The following SHROOM3 variants were observed in gnomAD, a reference collection of about 807,000 sequenced individuals.
SHROOM3 encodes protein Shroom3.
A neutral mutation model predicts 138.6 loss-of-function variants in SHROOM3; 47 were observed. The ratio of observed to expected loss-of-function variants is 0.34; its 90% CI spans 0.27 to 0.43. The LOEUF (loss-of-function observed/expected upper bound fraction) is 0.43. Among genes scored for constraint, SHROOM3 ranks in the 20% least tolerant of loss-of-function variants. SHROOM3 has a pLI of 1.00. For missense variants in SHROOM3, 2,491 were observed against 2,596.5 expected (o/e 0.96, Z 0.88); for synonymous variants, 1,062 against 1,063.3 (o/e 1.00, Z 0.02).
intron 5 of SHROOM3, among the ~76,000 whole-genome samples, chr4:76,747,908 CACTT>C (rs1006729273): frequency 1.5e-4 from 23 of 152,162 alleles, no homozygotes; most frequent in Non-Finnish European, 2.1e-4. Flanking sequence ...ATAGTTTCTC[CACTT>C]ACTTAACTGT....
intron 2 of SHROOM3, among the ~76,000 whole-genome samples, chr4:76,593,433 A>G (rs1380369893): frequency 6.6e-6 from 1 of 152,238 alleles, no homozygotes; most frequent in Non-Finnish European, 1.5e-5. Context: ...AAGAACACAG[A>G]TGATATAATT....
chr4:76,777,760 G>A (rs1578042181), intron 10 of SHROOM3, among the ~76,000 whole-genome samples: 1 of 152,164 alleles, frequency 6.6e-6, no homozygotes, highest in South Asian at 2.1e-4. Context: ...TGCCTAAAAT[G>A]TCTGAATGGT....
intron 1 of SHROOM3, among the ~76,000 whole-genome samples, chr4:76,501,628 C>G (rs937038147): frequency 6.6e-6 from 1 of 152,090 alleles, no homozygotes; most frequent in African/African-American, 2.4e-5. Flanking sequence ...TCTTTCAGCC[C>G]TAATCCACCA....
At position 76,529,347 on chromosome 4, in the gene SHROOM3, C is replaced by T. The variant is rs187708518; in HGVS notation, c.169-26262C>T. Among the ~76,000 whole-genome samples, 20 of 151,518 alleles carry T rather than the reference C, an allele frequency of 1.3e-4. 1 individual carries two copies. Among genetic ancestry groups the T allele is most frequent in the Middle Eastern group, 6.8e-3 (2 of 292 alleles). The stretch of plus-strand genomic sequence containing the variant: ...TTTTTTTTTTTCTGAGACAGAGTCT[C>T]GCTCTGTTGCCCAGGCTGGAGTGCA... On this transcript the variant is annotated intron_variant, in intron 1 of 10. Coordinates refer to ENST00000296043, the MANE Select transcript of SHROOM3 (RefSeq NM_020859.4).
chr4:76,587,929 C>T (rs1734186134), intron 2 of SHROOM3, among the ~76,000 whole-genome samples: 2 of 152,150 alleles, frequency 1.3e-5, no homozygotes, highest in East Asian at 1.9e-4. Flanking sequence ...AATCTACCTT[C>T]GGTTATGAAT....
chr4:76,591,897 A>G (rs1734280804), intron 2 of SHROOM3, among the ~76,000 whole-genome samples: 1 of 152,242 alleles, frequency 6.6e-6, no homozygotes, highest in African/African-American at 2.4e-5. Flanking sequence ...GAATAAAAGT[A>G]GACAAAAATT....
chr4:76,682,312 A>G (rs1357552256), intron 2 of SHROOM3, among the ~76,000 whole-genome samples: 1 of 152,164 alleles, frequency 6.6e-6, no homozygotes, highest in African/African-American at 2.4e-5. Flanking sequence ...ATTATCCCAT[A>G]TTAATTTTTA....
chr4:76,547,690 G>A (rs1360501861), intron 1 of SHROOM3, among the ~76,000 whole-genome samples: 1 of 152,144 alleles, frequency 6.6e-6, no homozygotes, highest in African/African-American at 2.4e-5. Context: ...TGCACTTTGG[G>A]AGGCTGAGGT....
At chr4:76,555,483 G>T (rs543023425) in intron 1 of SHROOM3, 126 bp from the exon 2 acceptor site, 11 of 1,379,580 alleles carry the variant, frequency 8.0e-6, no homozygotes, top group African/African-American at 4.3e-5. Context: ...GGCTGCAAGC[G>T]CTGGGGTGTG....
intron 1 of SHROOM3, among the ~76,000 whole-genome samples, chr4:76,512,885 C>T (rs1177559071): frequency 6.6e-6 from 1 of 152,172 alleles, no homozygotes; most frequent in East Asian, 1.9e-4. Context: ...TGCTGAAATA[C>T]AGGGAAGAAA....
intron 1 of SHROOM3, among the ~76,000 whole-genome samples, chr4:76,467,158 T>TC (rs1731266421): frequency 6.6e-6 from 1 of 150,696 alleles, no homozygotes; most frequent in Admixed American, 6.6e-5. Flanking sequence ...TCCTCCCACC[T>TC]CAGCCTCCCG....
intron 6 of SHROOM3, 98 bp downstream of exon 6, chr4:76,749,188 T>C (rs1735605289): frequency 8.7e-7 from 1 of 1,150,810 alleles, no homozygotes. Flanking sequence ...TGATGTCATA[T>C]AGTGTCACAT....
intron 2 of SHROOM3, among the ~76,000 whole-genome samples, chr4:76,647,971 A>C (rs1292599734): frequency 6.6e-6 from 1 of 152,168 alleles, no homozygotes; most frequent in Non-Finnish European, 1.5e-5. Context: ...TATCTTTCTT[A>C]CATATCAGTT....
At chr4:76,735,238 C>T (rs2110130773) in intron 4 of SHROOM3, among the ~76,000 whole-genome samples, 1 of 152,200 alleles carries the variant, frequency 6.6e-6, no homozygotes, top group Non-Finnish European at 1.5e-5. Flanking sequence ...AGTTTTCTTA[C>T]CCATCATTAA....
intron 2 of SHROOM3, among the ~76,000 whole-genome samples, chr4:76,630,441 T>C (rs1015131194): frequency 5.9e-5 from 9 of 152,218 alleles, no homozygotes; most frequent in Non-Finnish European, 1.2e-4. Flanking sequence ...AGCTCTCTTA[T>C]GCATTAACTT....
chr4:76,512,879 G>C (rs1732367315), intron 1 of SHROOM3, among the ~76,000 whole-genome samples: 2 of 152,198 alleles, frequency 1.3e-5, no homozygotes, highest in Non-Finnish European at 1.5e-5. Context: ...ATGTTTTGCT[G>C]AAATACAGGG....
At chr4:76,676,944 C>CAAAAA (rs58270392) in intron 2 of SHROOM3, among the ~76,000 whole-genome samples, 9 of 79,004 alleles carry the variant, frequency 1.1e-4, no homozygotes, top group African/African-American at 1.7e-4. Context: ...CTCCGTCTCA[C>CAAAAA]AAAAAAAAAA....
intron 6 of SHROOM3, among the ~76,000 whole-genome samples, chr4:76,753,411 G>A (rs913221358): frequency 6.6e-6 from 1 of 152,150 alleles, no homozygotes; most frequent in Non-Finnish European, 1.5e-5. Context: ...CTCCCTCAGA[G>A]GAGTCAGATC....
At chr4:76,439,144 T>G (rs1286035260) in intron 1 of SHROOM3, among the ~76,000 whole-genome samples, 1 of 152,190 alleles carries the variant, frequency 6.6e-6, no homozygotes, top group East Asian at 1.9e-4. Context: ...TTTCTTGCCC[T>G]GTCTAGCTTC....
Sources: allele counts gnomAD v4.1 joint callset (sites outside exome capture counted in the v4.1 genomes callset), GRCh38; gene constraint gnomAD v4.1.1; transcripts MANE v1.5; gene names NCBI Gene and HGNC (gene_info 2026-07-23, HGNC 2026-07-21).